RFFL: variants seen among roughly 807,000 people sequenced by gnomAD.
RFFL encodes the protein E3 ubiquitin-protein ligase rififylin.
Under a neutral mutation model 40.4 loss-of-function variants are expected in RFFL, and 16 were observed. The observed-to-expected ratio is 0.40, with a 90% CI of 0.27 to 0.60. The LOEUF (loss-of-function observed/expected upper bound fraction) is 0.60, where lower values mean the gene tolerates loss of function less well. RFFL is among the 20% of genes least tolerant of loss of function. RFFL has a pLI of 0.47. For synonymous variants in RFFL, 154 were observed against 167.9 expected (o/e 0.92, Z 0.64); for missense variants, 367 against 451.7 (o/e 0.81, Z 1.70).
intron 1 of RFFL, among the ~76,000 whole-genome samples, chr17:35,079,500 A>G (rs2091394179): frequency 1.3e-5 from 2 of 152,216 alleles, no homozygotes; most frequent in African/African-American, 4.8e-5. Flanking sequence ...AGTGCAAGAG[A>G]CATGTTGATG....
chr17:35,075,737 TTA>T (rs1454604412), intron 1 of RFFL, among the ~76,000 whole-genome samples: 11 of 152,168 alleles, frequency 7.2e-5, no homozygotes, highest in African/African-American at 1.9e-4. Flanking sequence ...AATTTTGACA[TTA>T]TAACCACAAA....
chr17:35,014,453 CCT>C (rs1019397500), intron 6 of RFFL, among the ~76,000 whole-genome samples: 4 of 152,304 alleles, frequency 2.6e-5, no homozygotes, highest in South Asian at 2.1e-4. Flanking sequence ...TGCCACCCCT[CCT>C]CTGTTTCAGT....
At chr17:35,079,251 T>C (rs147724788) in intron 1 of RFFL, among the ~76,000 whole-genome samples, 1,548 of 152,292 alleles carry the variant, frequency 0.01, 19 homozygotes, top group African/African-American at 0.036. Flanking sequence ...CTTGAACTCC[T>C]GAACCCAAGT....
chr17:35,029,698 TTTA>T (rs2091069418), intron 1 of RFFL, among the ~76,000 whole-genome samples: 1 of 151,534 alleles, frequency 6.6e-6, no homozygotes, highest in South Asian at 2.1e-4. Context: ...TTTATTTTTT[TTTA>T]TTATTATACT....
chr17:35,076,094 A>AG (rs1208807544), intron 1 of RFFL, among the ~76,000 whole-genome samples: 3 of 147,736 alleles, frequency 2.0e-5, no homozygotes, highest in Non-Finnish European at 1.5e-5. Flanking sequence ...CCCATGTTCA[A>AG]GGGATTCTCC....
intron 1 of RFFL, among the ~76,000 whole-genome samples, chr17:35,057,196 G>A (rs1406580592): frequency 6.6e-6 from 1 of 152,084 alleles, no homozygotes; most frequent in Non-Finnish European, 1.5e-5. Flanking sequence ...TAGGATTACA[G>A]GTGTGAGCCA....
upstream of RFFL, among the ~76,000 whole-genome samples, chr17:35,067,715 A>G (rs907992107): frequency 1.3e-5 from 2 of 152,106 alleles, no homozygotes; most frequent in African/African-American, 4.8e-5. Context: ...TCAGCCTCCC[A>G]AAGTGCTGGG....
intron 6 of RFFL, 98 bp downstream of exon 6, chr17:35,014,642 A>G: frequency 8.4e-7 from 1 of 1,196,470 alleles, no homozygotes. Context: ...CTGGGGGCTC[A>G]AATGCTCAGA....
intron 1 of RFFL, among the ~76,000 whole-genome samples, chr17:35,079,147 T>A (rs1469361268): frequency 6.6e-6 from 1 of 152,158 alleles, no homozygotes; most frequent in Non-Finnish European, 1.5e-5. Context: ...TTTTTATGTT[T>A]GTGTTCCTGG....
chr17:35,048,038 C>G (rs2091210305), intron 1 of RFFL, among the ~76,000 whole-genome samples: 1 of 152,052 alleles, frequency 6.6e-6, no homozygotes, highest in Non-Finnish European at 1.5e-5. Flanking sequence ...AGGCGTGAAC[C>G]ACTGCACTCA....
At chr17:35,022,543 A>G (rs2091015661) in intron 2 of RFFL, among the ~76,000 whole-genome samples, 1 of 152,240 alleles carries the variant, frequency 6.6e-6, no homozygotes. Flanking sequence ...CAACTGTTGT[A>G]TTCAAGGTCA....
At chr17:35,012,442 C>T (rs923716009) in intron 6 of RFFL, among the ~76,000 whole-genome samples, 1 of 152,134 alleles carries the variant, frequency 6.6e-6, no homozygotes, top group African/African-American at 2.4e-5. Context: ...GCAAAGTTCT[C>T]AAAGCTTAAA....
In RFFL at chr17:35,006,938, G is replaced by A. The variant is rs1173406025; in HGVS notation, c.*5030C>T. On this transcript the variant is annotated 3_prime_UTR_variant, in exon 7 of 7. Transcript: ENST00000394597. ...TCCTGACTCTAGCCCAGGACATTTG[G>A]TGTTTTTGAATAGGCACCATTCAGC... 6.6e-6 allele frequency: 1 copy of A among 152,276 alleles called. No individual in the cohort carries two copies. The highest frequency in any genetic ancestry group is 1.5e-5 in the Non-Finnish European group (1 of 68,106). The allele number at this position is 152,276 out of a possible 1,614,324, so 9.4% of individuals were successfully genotyped here.
At chr17:35,020,420 T>C (rs1316923744) in intron 3 of RFFL, among the ~76,000 whole-genome samples, 1 of 149,708 alleles carries the variant, frequency 6.7e-6, no homozygotes, top group African/African-American at 2.5e-5. Flanking sequence ...GTGAACTCTG[T>C]TGTGAACTGC....
chr17:35,007,688 T>C lies in RFFL; in HGVS notation c.*4280A>G, dbSNP rs1369189449. The C allele has an allele frequency of 6.6e-6, 1 of 152,204 alleles. No homozygotes were observed. Among genetic ancestry groups the C allele is most frequent in the Non-Finnish European group, 1.5e-5 (1 of 68,062 alleles). The allele number at this position is 152,204 out of a possible 1,614,324, so 9.4% of individuals were successfully genotyped here. ...CCTTGGGCGCCTGGTCAGGGAGGTT[T>C]GTACAAGCCTGCGCACACACAGCAG... On this transcript the variant is annotated 3_prime_UTR_variant, in exon 7 of 7. Transcript: ENST00000394597.
chr17:35,048,996 A>G (rs1415884698), intron 1 of RFFL, among the ~76,000 whole-genome samples: 2 of 152,202 alleles, frequency 1.3e-5, no homozygotes, highest in Non-Finnish European at 2.9e-5. Context: ...TGGTGTCACA[A>G]AAACCTTTGT....
chr17:35,076,322 T>A (rs1416016722), intron 1 of RFFL, among the ~76,000 whole-genome samples: 1 of 151,984 alleles, frequency 6.6e-6, no homozygotes, highest in African/African-American at 2.4e-5. Flanking sequence ...ATATTAAAGG[T>A]TGGCTACTGT....
intron 1 of RFFL, among the ~76,000 whole-genome samples, chr17:35,088,424 G>A (rs1424835784): frequency 6.6e-6 from 1 of 152,158 alleles, no homozygotes; most frequent in African/African-American, 2.4e-5. Context: ...CTGAGCAGAC[G>A]TGCCAGCGGA....
chr17:35,026,420 G>A lies in RFFL; in HGVS notation c.134C>T (p.Pro45Leu). ...GTGAGCCCCACAGGACTTGCAGCTT[G>A]GTTCCAAGCCTGTTGGGGAAGGGAA... ...SSFPSPTGLE[P>L]SCKSCGAHFA... Residue 45 changes from proline (P) to leucine (L), a missense_variant, in exon 2 of 7, where the codon CCA (proline) becomes CTA (leucine). Coordinates refer to ENST00000394597, the MANE Select transcript of RFFL (RefSeq NM_001017368.2). The A allele has an allele frequency of 6.2e-7, 1 of 1,614,022 alleles. No individual in the cohort carries two copies. The highest frequency in any genetic ancestry group is 1.3e-5 in the African/African-American group (1 of 75,024).
Sources: allele counts gnomAD v4.1 joint callset (sites outside exome capture counted in the v4.1 genomes callset), GRCh38; gene constraint gnomAD v4.1.1; transcripts MANE v1.5; gene names NCBI Gene and HGNC (gene_info 2026-07-23, HGNC 2026-07-21).